Variants in RASSF5 observed in about 807,000 individuals in gnomAD.
RASSF5 encodes the protein Ras association domain family member 5, also known as ras association domain-containing protein 5.
RASSF5 carries 25 observed loss-of-function variants against 40.5 expected under a neutral mutation model. That is an observed-to-expected ratio of 0.62 (90% confidence interval 0.45 to 0.86). RASSF5 has a LOEUF of 0.86. Ranked by LOEUF, RASSF5 falls within the 40% of genes least tolerant of loss-of-function variation. The pLI, the probability that RASSF5 is intolerant of heterozygous loss-of-function variation, is 0.00. For missense variants in RASSF5, 521 were observed against 572.8 expected (o/e 0.91, Z 0.92); for synonymous variants, 246 against 252.4 (o/e 0.97, Z 0.24).
intron 2 of RASSF5, among the ~76,000 whole-genome samples, chr1:206,571,817 G>A (rs1039322274): frequency 1.3e-5 from 2 of 152,148 alleles, no homozygotes; most frequent in Non-Finnish European, 2.9e-5. Flanking sequence ...AGGGGACAGG[G>A]ACCTAGCTGG....
intron 3 of RASSF5, among the ~76,000 whole-genome samples, chr1:206,583,917 C>A (rs905510771): frequency 6.6e-5 from 10 of 152,162 alleles, no homozygotes; most frequent in Admixed American, 3.9e-4. Context: ...ACCAGAAAAT[C>A]CAGTCACAAA....
At chr1:206,562,166 A>G (rs1668164658) in intron 2 of RASSF5, among the ~76,000 whole-genome samples, 1 of 152,058 alleles carries the variant, frequency 6.6e-6, no homozygotes, top group East Asian at 1.9e-4. Flanking sequence ...CTGCCTGGCC[A>G]GTCAGCTCCT....
In RASSF5 at chr1:206,507,543, G is replaced by A; in HGVS notation, c.-60G>A. 1 of 1,323,986 alleles carries A rather than the reference G, an allele frequency of 7.6e-7. No homozygotes were observed. The highest frequency in any genetic ancestry group is 9.9e-7 in the Non-Finnish European group (1 of 1,012,654). 82.0% of individuals were successfully genotyped at this position (1,323,986 alleles called of 1,614,324 possible). ...GGGGCGGCCCCTTCTCTCGGGGCTG[G>A]CTCGGGAGTAGCGCAGTCGCCAAAG... On this transcript the variant is annotated 5_prime_UTR_variant, in exon 1 of 6. Transcript: ENST00000579436.
At chr1:206,519,040 G>T (rs1268386676) in intron 1 of RASSF5, among the ~76,000 whole-genome samples, 2 of 152,138 alleles carry the variant, frequency 1.3e-5, no homozygotes, top group African/African-American at 4.8e-5. Context: ...GCTGAAGGCT[G>T]CTGGGTGGAG....
Position 206,535,594 on chromosome 1 carries a change from G to A in RASSF5, c.458-2578G>A, listed in dbSNP as rs1270776931. 6.6e-6 allele frequency among the ~76,000 whole-genome samples: 1 copy of A among 152,168 alleles called. No homozygotes were observed. Among genetic ancestry groups the A allele is most frequent in the Non-Finnish European group, 1.5e-5 (1 of 68,036 alleles). On this transcript the variant is annotated intron_variant, in intron 1 of 5. Coordinates refer to ENST00000579436, the MANE Select transcript of RASSF5 (RefSeq NM_182663.4). The surrounding 1 kb of genome is among the most constrained non-coding windows in gnomAD (Gnocchi z 5.0). Reference sequence around the variant, plus strand: ...GGTCCGATGGAACAAAGTCTTTGGTGCTCAAACATGCTTCTTATAAAATCC... The same window carrying A: ...GGTCCGATGGAACAAAGTCTTTGGTACTCAAACATGCTTCTTATAAAATCC...
chr1:206,584,654 C>G lies in RASSF5; in HGVS notation c.958C>G (p.Leu320Val). 1 of 1,614,208 alleles carries G rather than the reference C, an allele frequency of 6.2e-7. No individual in the cohort carries two copies. Among genetic ancestry groups the G allele is most frequent in the Non-Finnish European group, 8.5e-7 (1 of 1,180,040 alleles). Residue 320 changes from leucine (L) to valine (V), a missense_variant, in exon 4 of 6, where the codon CTT becomes GTT. Leu to Val is a conservative substitution (Grantham distance 32). Transcript: ENST00000579436. The surrounding 1 kb of genome is among the most constrained non-coding windows in gnomAD (Gnocchi z 4.9). ...TGTGGACAATCCCCAGAAGTTTGCA[C>G]TTTTTAAGCGGATACACAAGGACGG... is the stretch of plus-strand genomic sequence containing the variant. ...MVVDNPQKFA[L>V]FKRIHKDGQV...
In RASSF5 at chr1:206,585,130, C is replaced by T. The variant is rs376377478; in HGVS notation, c.989-50C>T. The T allele has an allele frequency of 1.0e-4, 149 of 1,427,230 alleles. No individual in the cohort carries two copies. In the African/African-American group the frequency reaches 2.0e-3, roughly 19 times the overall value. The allele number at this position is 1,427,230 out of a possible 1,614,324, so 88.4% of individuals were successfully genotyped here. ...CAATCCTTTCCCGCAAGCCTGGGCC[C>T]CGCCCTTCTTTTCTGGGAAGAGCTC... On this transcript the variant is annotated intron_variant, in intron 4 of 5. Coordinates refer to ENST00000579436, the MANE Select transcript of RASSF5 (RefSeq NM_182663.4).
chr1:206,561,169 G>C (rs1408327748), intron 2 of RASSF5, among the ~76,000 whole-genome samples: 1 of 152,206 alleles, frequency 6.6e-6, no homozygotes, highest in Non-Finnish European at 1.5e-5. Context: ...GAATGTCAGA[G>C]CACCTCGCTT....
rs957741917 is a variant in RASSF5 at position 206,585,469 on chromosome 1, G to A, written c.1104+174G>A. On this transcript the variant is annotated intron_variant, in intron 5 of 5. Coordinates refer to ENST00000579436, the MANE Select transcript of RASSF5 (RefSeq NM_182663.4). ...GGCCTGGGGGTCAGTGTTTCAGCCAGGACTCTGAACACCCTGGGGTAGCAC... is the reference window on the plus strand; with the variant it reads ...GGCCTGGGGGTCAGTGTTTCAGCCAAGACTCTGAACACCCTGGGGTAGCAC... 8.6e-6 allele frequency: 5 copies of A among 583,006 alleles called. No homozygotes were observed. In the African/African-American group the frequency reaches 9.3e-5, roughly 11 times the overall value. The allele number at this position is 583,006 out of a possible 1,614,324, so 36.1% of individuals were successfully genotyped here.
chr1:206,576,562 A>G (rs1006687086), intron 2 of RASSF5, among the ~76,000 whole-genome samples: 7 of 152,368 alleles, frequency 4.6e-5, no homozygotes, highest in African/African-American at 1.7e-4. Flanking sequence ...AGGAAGTATG[A>G]TTCAGGAGAA....
chr1:206,585,341 G>C, intron 5 of RASSF5, 46 bp downstream of exon 5: 1 of 1,317,636 alleles, frequency 7.6e-7, no homozygotes, highest in Non-Finnish European at 1.1e-6. Flanking sequence ...GGGCACCCTG[G>C]GTGGGTGCAG....
intron 1 of RASSF5, among the ~76,000 whole-genome samples, chr1:206,525,547 TAC>T (rs1667077751): frequency 6.6e-6 from 1 of 152,148 alleles, no homozygotes; most frequent in African/African-American, 2.4e-5. Context: ...TAGCTGGGCC[TAC>T]AGGCACACAC....
intron 1 of RASSF5, among the ~76,000 whole-genome samples, chr1:206,509,846 T>A (rs577380123): frequency 6.6e-6 from 1 of 152,306 alleles, no homozygotes; most frequent in East Asian, 1.9e-4. Context: ...CGATCTCCTT[T>A]GATTAAGTCA....
At chr1:206,543,358 A>C (rs1383460759) in intron 2 of RASSF5, 2 of 152,132 alleles carry the variant, frequency 1.3e-5, no homozygotes, top group African/African-American at 4.8e-5. Flanking sequence ...GGGAGTGCCT[A>C]AGGGGCAGTG....
rs1326156770 is a variant in RASSF5 at position 206,531,145 on chromosome 1, C to A, written c.458-7027C>A. 6.6e-6 allele frequency among the ~76,000 whole-genome samples: 1 copy of A among 152,208 alleles called. No homozygotes were observed. Among genetic ancestry groups the A allele is most frequent in the Admixed American group, 6.5e-5 (1 of 15,274 alleles). On this transcript the variant is annotated intron_variant, in intron 1 of 5. Coordinates refer to ENST00000579436, the MANE Select transcript of RASSF5 (RefSeq NM_182663.4). This position sits in a 1 kb window ranked among gnomAD's most constrained non-coding sequence, Gnocchi z 4.7. ...CCAAGGCCACTAGAGGTTAGGACAC[C>A]GGCCTGGGGTCGGATCAGCACTCGC...
At chr1:206,538,139 T>C (rs781966262) in intron 1 of RASSF5, 33 bp from the exon 2 acceptor site, 6 of 1,613,718 alleles carry the variant, frequency 3.7e-6, no homozygotes, top group Non-Finnish European at 5.1e-6. Context: ...ATCCTGCCTG[T>C]CCTCTAATCT....
rs116802689 is a variant in RASSF5 at position 206,511,464 on chromosome 1, C to G, written c.457+3405C>G. Among the ~76,000 whole-genome samples, 523 of 152,312 alleles carry G rather than the reference C, an allele frequency of 3.4e-3. 3 individuals are homozygous for G. Among genetic ancestry groups the G allele is most frequent in the African/African-American group, 0.012 (496 of 41,552 alleles). On this transcript the variant is annotated intron_variant, in intron 1 of 5. Coordinates refer to ENST00000579436, the MANE Select transcript of RASSF5 (RefSeq NM_182663.4). ...AAGCCATCCTGGACCAGGGGATGGT[C>G]TGGCACTTGGAGAAACCTAAGCCTG... is the stretch of plus-strand genomic sequence containing the variant.
chr1:206,581,216 C>T (rs1402727949), intron 2 of RASSF5: 1 of 152,148 alleles, frequency 6.6e-6, no homozygotes, highest in Non-Finnish European at 1.5e-5. Context: ...GTGAAAGTAC[C>T]CAGCACAGGC....
intron 2 of RASSF5, among the ~76,000 whole-genome samples, chr1:206,546,089 A>ATTTTT (rs10603701): frequency 2.1e-5 from 1 of 48,236 alleles, no homozygotes; most frequent in Non-Finnish European, 3.7e-5. Context: ...TTCTTTTTCT[A>ATTTTT]TTTTTTTTTT....
Sources: gnomAD v4.1 joint callset for allele counts (sites outside exome capture counted in the v4.1 genomes callset) on GRCh38, gnomAD v4.1.1 for gene constraint, Gnocchi (gnomAD v3.1) non-coding constraint, MANE v1.5 for transcripts, NCBI Gene and HGNC (gene_info 2026-07-23, HGNC 2026-07-21) for gene names.